The following JAKMIP3 variants were observed in gnomAD, a reference collection of about 807,000 sequenced individuals.
The protein encoded by JAKMIP3 is Janus kinase and microtubule interacting protein 3, also known as janus kinase and microtubule-interacting protein 3.
A neutral mutation model predicts 118.5 loss-of-function variants in JAKMIP3; 58 were observed. That is an observed-to-expected ratio of 0.49 (90% CI 0.40 to 0.61). JAKMIP3 has a LOEUF of 0.61. JAKMIP3 is among the 20% of genes least tolerant of loss of function. The pLI is 0.00. For synonymous variants in JAKMIP3, 486 were observed against 451.2 expected, an observed-to-expected ratio of 1.08 and a Z score of -0.98; for missense variants, 950 against 1,109.0, an observed-to-expected ratio of 0.86 and a Z score of 2.04.
At chr10:132,141,773 G>A in intron 10 of JAKMIP3, 147 bp from the exon 11 acceptor site, 1 of 882,130 alleles carries the variant, frequency 1.1e-6, no homozygotes, top group East Asian at 2.7e-5. Flanking sequence ...CACTGGAGCA[G>A]GTCCCCTCCC....
Position 132,167,877 on chromosome 10 carries a change from G to GCCCCTCA in JAKMIP3, c.*23-70_*23-69insACCCCTC, listed in dbSNP as rs1464324933. ...CCTCACCCCTCGGCCCTCGCCCCTC[G>GCCCCTCA]CCCCTCGGCCCTCGCCCCTCACTCC... is the stretch of plus-strand genomic sequence containing the variant. On this transcript the variant is annotated intron_variant, in intron 22 of 23. Coordinates refer to ENST00000684848, the MANE Select transcript of JAKMIP3 (RefSeq NM_001323087.2). 11 of 1,049,628 alleles carry GCCCCTCA rather than the reference G, an allele frequency of 1.0e-5. No homozygotes were observed. In the African/African-American group the frequency reaches 1.5e-4, roughly 14 times the overall value. 65.0% of individuals were successfully genotyped at this position (1,049,628 alleles called of 1,614,324 possible).
Position 132,159,032 on chromosome 10 carries a change from G to GGGCC in JAKMIP3, c.2221-4177_2221-4176insGGCC, listed in dbSNP as rs771504834. Among the ~76,000 whole-genome samples, 12 of 76,966 alleles carry GGGCC rather than the reference G, an allele frequency of 1.6e-4. 4 individuals carry two copies. The highest frequency in any genetic ancestry group is 2.4e-4 in the Non-Finnish European group (10 of 41,386). The allele number at this position is 76,966 out of a possible 152,430, so 50.5% of individuals were successfully genotyped here. On this transcript the variant is annotated intron_variant, in intron 19 of 23. Coordinates refer to ENST00000684848, the MANE Select transcript of JAKMIP3 (RefSeq NM_001323087.2). ...CTCTCCCTGTGTGATGCTGGGGGGG[G>GGGCC]TCTCTTCCTGTGTGATGTCAGAGGG... is the stretch of plus-strand genomic sequence containing the variant.
chr10:132,151,713 C>A (rs1485703143), intron 16 of JAKMIP3, among the ~76,000 whole-genome samples: 1 of 152,228 alleles, frequency 6.6e-6, no homozygotes, highest in East Asian at 1.9e-4. Context: ...AGGCCTATTT[C>A]AGGGTTCCTG....
intron 1 of JAKMIP3, among the ~76,000 whole-genome samples, chr10:132,080,357 A>ATTTGCAC (rs1369348104): frequency 5.3e-5 from 8 of 151,794 alleles, no homozygotes; most frequent in African/African-American, 1.9e-4. Context: ...AGTGGTTTCG[A>ATTTGCAC]TTTGCACTTT....
intron 3 of JAKMIP3, among the ~76,000 whole-genome samples, chr10:132,124,269 A>G (rs1372678433): frequency 6.6e-6 from 1 of 151,932 alleles, no homozygotes; most frequent in Admixed American, 6.6e-5. Flanking sequence ...ACCTACATCC[A>G]TTGCCACGCG....
At chr10:132,159,869 T>TG (rs1360832680) in intron 19 of JAKMIP3, among the ~76,000 whole-genome samples, 3 of 49,338 alleles carry the variant, frequency 6.1e-5, no homozygotes, top group Admixed American at 5.1e-4. Flanking sequence ...TGTGTGATGC[T>TG]GGGGGGGTCT....
At chr10:132,071,497 A>AGT (rs1051178548) in intron 1 of JAKMIP3, among the ~76,000 whole-genome samples, 96 of 152,286 alleles carry the variant, frequency 6.3e-4, no homozygotes, top group African/African-American at 2.3e-3. Flanking sequence ...AGTCCTAGGA[A>AGT]GTGAATATCC....
At chr10:132,051,526 CT>C (rs2038106395) in intron 1 of JAKMIP3, among the ~76,000 whole-genome samples, 1 of 151,982 alleles carries the variant, frequency 6.6e-6, no homozygotes, top group Non-Finnish European at 1.5e-5. Context: ...TGTACACCTA[CT>C]TTTGTGAAGT....
At chr10:132,161,024 G>C (rs1335793900) in intron 19 of JAKMIP3, among the ~76,000 whole-genome samples, 1 of 78,912 alleles carries the variant, frequency 1.3e-5, no homozygotes, top group African/African-American at 5.3e-5. Flanking sequence ...TGTGATGCTG[G>C]GGGGGCCTCT....
In JAKMIP3 at chr10:132,180,877, A is replaced by G. The variant is rs114545762; in HGVS notation, c.*1104-1480A>G. ...CTGTGTGTGAGTGGTGTCTTTGGGC[A>G]TGTGCATGTATGTGTATGTGTTGTG... is the stretch of plus-strand genomic sequence containing the variant. On this transcript the variant is annotated intron_variant, in intron 23 of 23. Transcript: ENST00000684848. Among the ~76,000 whole-genome samples, 1,087 of 151,760 alleles carry G rather than the reference A, an allele frequency of 7.2e-3. 15 individuals carry two copies. Among genetic ancestry groups the G allele is most frequent in the South Asian group, 0.021 (102 of 4,816 alleles).
At chr10:132,171,055 A>G (rs2059439368) in intron 23 of JAKMIP3, among the ~76,000 whole-genome samples, 1 of 152,228 alleles carries the variant, frequency 6.6e-6, no homozygotes, top group Admixed American at 6.5e-5. Flanking sequence ...CCGCTGGAGC[A>G]CCAGAAGCAA....
rs747046375 is a variant in JAKMIP3, at chr10:132,153,998, G to A, written c.2220+8G>A. On this transcript the variant is annotated splice_region_variant and intron_variant, in intron 19 of 23. Coordinates refer to ENST00000684848, the MANE Select transcript of JAKMIP3 (RefSeq NM_001323087.2). ...TTGGACCAGGCCAACAAGGTGAGAG[G>A]CACGAGACTGCTGGAACCCCGGGGA... 1.9e-6 allele frequency: 3 copies of A among 1,612,284 alleles called. No homozygotes were observed. The highest frequency in any genetic ancestry group is 1.3e-5 in the African/African-American group (1 of 74,920).
At chr10:132,153,304 C>T (rs1470722666) in intron 17 of JAKMIP3, among the ~76,000 whole-genome samples, 3 of 152,250 alleles carry the variant, frequency 2.0e-5, no homozygotes, top group Non-Finnish European at 2.9e-5. Context: ...AGGCAGCGTT[C>T]TCTGTTCAAC....
intron 3 of JAKMIP3, among the ~76,000 whole-genome samples, chr10:132,119,085 A>T (rs1319008130): frequency 6.6e-6 from 1 of 152,084 alleles, no homozygotes; most frequent in Non-Finnish European, 1.5e-5. Context: ...GCAGCTATTC[A>T]CAGTTCCTCT....
At chr10:132,059,088 G>A (rs1400768840) in intron 1 of JAKMIP3, among the ~76,000 whole-genome samples, 9 of 152,340 alleles carry the variant, frequency 5.9e-5, no homozygotes, top group East Asian at 3.9e-4. Flanking sequence ...GACGACAAAC[G>A]CGACCCAGGA....
At position 132,136,058 on chromosome 10, in the gene JAKMIP3, C is replaced by T. The variant is rs2051697552; in HGVS notation, c.1098C>T (p.Thr366=). The T allele has an allele frequency of 6.2e-7, 1 of 1,613,468 alleles. No homozygotes were observed. Among genetic ancestry groups the T allele is most frequent in the Admixed American group, 1.7e-5 (1 of 59,986 alleles). The change falls in exon 6 of 24, where the codon ACC becomes ACT. Residue 366 remains threonine (T), a synonymous_variant. Coordinates refer to ENST00000684848, the MANE Select transcript of JAKMIP3 (RefSeq NM_001323087.2). ...TGGAAAACAAGTTAAAATTTGTCAC[C>T]CAGGAGAACATAGAAATGGTGAGGG... ...RRMENKLKFV[T]QENIEMRQRA...
At chr10:132,155,241 G>A (rs1204843415) in intron 19 of JAKMIP3, among the ~76,000 whole-genome samples, 9 of 151,880 alleles carry the variant, frequency 5.9e-5, no homozygotes, top group Admixed American at 5.9e-4. Context: ...GGTGGTGGTG[G>A]TGATGAGGAT....
At chr10:132,060,752 G>A (rs1466602719), upstream of JAKMIP3, among the ~76,000 whole-genome samples, 1 of 152,358 alleles carries the variant, frequency 6.6e-6, no homozygotes, top group African/African-American at 2.4e-5. Flanking sequence ...AGGTGCAGTG[G>A]CTCACGCCTG....
intron 1 of JAKMIP3, among the ~76,000 whole-genome samples, chr10:132,057,995 G>A (rs7086254): frequency 0.1 from 15,861 of 152,254 alleles, 899 homozygotes; most frequent in Middle Eastern, 0.18. Flanking sequence ...GGGGCTGGAC[G>A]GGGCCAGATC....
Sources: gnomAD v4.1 joint callset for allele counts (sites outside exome capture counted in the v4.1 genomes callset) on GRCh38, gnomAD v4.1.1 for gene constraint, MANE v1.5 for transcripts, NCBI Gene and HGNC (gene_info 2026-07-23, HGNC 2026-07-21) for gene names.